PLCG2: variants seen among roughly 807,000 people sequenced by gnomAD.
PLCG2 encodes 1-phosphatidylinositol 4,5-bisphosphate phosphodiesterase gamma-2.
PLCG2 carries 69 observed loss-of-function variants against 175.6 expected under a neutral mutation model. That is an observed-to-expected ratio of 0.39 (90% confidence interval 0.32 to 0.48). PLCG2 has a LOEUF of 0.48. PLCG2 is among the 20% of genes least tolerant of loss of function. The probability of loss-of-function intolerance (pLI) is 0.91; values close to 1 mark genes in which losing one functional copy is unlikely to be tolerated. For missense variants in PLCG2, 1,798 were observed against 1,650.9 expected (o/e 1.09, Z -1.54); for synonymous variants, 827 against 624.0 (o/e 1.33, Z -4.85).
At chr16:81,896,069 CTGCCA>C (rs1342951448) in intron 13 of PLCG2, 142 bp downstream of exon 13, 2 of 1,066,614 alleles carry the variant, frequency 1.9e-6, no homozygotes, top group African/African-American at 3.1e-5. Flanking sequence ...GCCAAAGCCA[CTGCCA>C]TCAAGTTCTC....
intron 2 of PLCG2, among the ~76,000 whole-genome samples, chr16:81,768,294 T>C (rs956835091): frequency 1.3e-5 from 2 of 152,242 alleles, no homozygotes; most frequent in African/African-American, 4.8e-5. Context: ...TGTTTGTTTA[T>C]CCAGTCACAA....
At chr16:81,765,748 A>T (rs544794649) in intron 2 of PLCG2, among the ~76,000 whole-genome samples, 2 of 152,216 alleles carry the variant, frequency 1.3e-5, no homozygotes, top group Non-Finnish European at 2.9e-5. Context: ...AAACTAATGC[A>T]TGTTTTCAGT....
chr16:81,814,541 G>A (rs1399905249), intron 2 of PLCG2, among the ~76,000 whole-genome samples: 5 of 152,062 alleles, frequency 3.3e-5, no homozygotes, highest in Admixed American at 6.5e-5. Flanking sequence ...AAAACAATAC[G>A]AAAATTAGCC....
intron 14 of PLCG2, among the ~76,000 whole-genome samples, chr16:81,902,691 A>T (rs1909202332): frequency 6.6e-6 from 1 of 152,074 alleles, no homozygotes; most frequent in South Asian, 2.1e-4. Context: ...CTCTACCCTC[A>T]TGACCTAATC....
chr16:81,877,971 T>TC (rs1907888246), intron 7 of PLCG2, among the ~76,000 whole-genome samples: 2 of 102,272 alleles, frequency 2.0e-5, no homozygotes, highest in African/African-American at 7.4e-5. Flanking sequence ...CTTTTTTTTT[T>TC]AATTTTTTTT....
At chr16:81,776,083 C>CTTTCTTTTTCTTTCTTTCTT, upstream of PLCG2, among the ~76,000 whole-genome samples, 3 of 81,848 alleles carry the variant, frequency 3.7e-5, no homozygotes, top group Admixed American at 1.2e-4. Context: ...TTCTCTCTCT[C>CTTTCTTTTTCTTTCTTTCTT]TCTCTCTTTC....
chr16:81,842,009 C>A (rs983550675), intron 2 of PLCG2, among the ~76,000 whole-genome samples: 1 of 152,220 alleles, frequency 6.6e-6, no homozygotes, highest in African/African-American at 2.4e-5. Context: ...CTCCTGGGGC[C>A]ACGTGATTTT....
Position 81,893,706 on chromosome 16 carries a change from C to A in PLCG2, c.987-3C>A. 1 of 1,603,548 alleles carries A rather than the reference C, an allele frequency of 6.2e-7. No homozygotes were observed. The highest frequency in any genetic ancestry group is 8.5e-7 in the Non-Finnish European group (1 of 1,171,844). ...ACACGGCCACCTGCCTTCTCTCCTG[C>A]AGGTACCTTACAGGTGACCAGCTGC... On this transcript the variant is annotated splice_polypyrimidine_tract_variant and splice_region_variant and intron_variant, in intron 11 of 32. Transcript: ENST00000564138.
chr16:81,864,351 A>G (rs755780253), intron 5 of PLCG2, among the ~76,000 whole-genome samples: 6 of 152,214 alleles, frequency 3.9e-5, no homozygotes, highest in Non-Finnish European at 7.3e-5. Flanking sequence ...ACAAAATGAA[A>G]TAAAATACTT....
chr16:81,886,260 G>C (rs917322470), intron 9 of PLCG2, among the ~76,000 whole-genome samples: 3 of 152,196 alleles, frequency 2.0e-5, no homozygotes, highest in African/African-American at 7.2e-5. Flanking sequence ...AGAGATCAGG[G>C]ATCTGGGGCC....
chr16:81,889,317 T>C (rs1199881213), intron 10 of PLCG2, 44 bp downstream of exon 10: 4 of 1,026,302 alleles, frequency 3.9e-6, no homozygotes, highest in Non-Finnish European at 6.0e-6. Context: ...GACTTTTTGA[T>C]TGATGTCTGT....
At chr16:81,858,382 G>T in intron 4 of PLCG2, 26 bp downstream of exon 4, 1 of 1,507,868 alleles carries the variant, frequency 6.6e-7, no homozygotes, top group Non-Finnish European at 9.2e-7. Context: ...CTGTTGATTT[G>T]CGTAGTTGCT....
chr16:81,876,285 A>T (rs978725567), intron 7 of PLCG2, among the ~76,000 whole-genome samples: 1 of 152,052 alleles, frequency 6.6e-6, no homozygotes, highest in Non-Finnish European at 1.5e-5. Flanking sequence ...GGCCTCCCAT[A>T]GTGCTGGGAT....
At chr16:81,858,841 A>G (rs1313542687) in intron 4 of PLCG2, among the ~76,000 whole-genome samples, 2 of 92,972 alleles carry the variant, frequency 2.2e-5, no homozygotes, top group Admixed American at 1.3e-4. Context: ...ACTTTTTACT[A>G]TTTTTCTTTC....
chr16:81,850,056 A>G (rs1206995268), intron 2 of PLCG2, among the ~76,000 whole-genome samples: 1 of 152,244 alleles, frequency 6.6e-6, no homozygotes, highest in African/African-American at 2.4e-5. Flanking sequence ...AAGGCACAAG[A>G]GAAAACAAAA....
chr16:81,939,995 A>G lies in PLCG2; in HGVS notation c.3417A>G (p.Glu1139=), dbSNP rs777981945. 1.2e-6 allele frequency: 2 copies of G among 1,614,168 alleles called. No homozygotes were observed. Among genetic ancestry groups the G allele is most frequent in the South Asian group, 2.2e-5 (2 of 91,088 alleles). The change falls in exon 30 of 33, where the codon GAA becomes GAG. Residue 1139 remains glutamate, a synonymous_variant. Coordinates refer to ENST00000564138, the MANE Select transcript of PLCG2 (RefSeq NM_002661.5). ...TTCTGCGCTTTGTGGTTTATGAAGA[A>G]GATATGTTCAGCGATCCCAACTTTC... ...LAFLRFVVYE[E]DMFSDPNFLA...
intron 2 of PLCG2, among the ~76,000 whole-genome samples, chr16:81,801,739 G>A (rs887817868): frequency 6.6e-6 from 1 of 151,816 alleles, no homozygotes; most frequent in African/African-American, 2.4e-5. Flanking sequence ...GGAGTGCAGT[G>A]GCACAATCTC....
chr16:81,776,776 A>G (rs1205645869), upstream of PLCG2, among the ~76,000 whole-genome samples: 2 of 151,886 alleles, frequency 1.3e-5, no homozygotes, highest in African/African-American at 4.8e-5. Flanking sequence ...GATAGTCGTG[A>G]ACTCCTGATC....
At chr16:81,921,388 A>G (rs759082712) in intron 21 of PLCG2, 119 bp downstream of exon 21, 9 of 745,766 alleles carry the variant, frequency 1.2e-5, no homozygotes, top group Admixed American at 8.0e-5. Flanking sequence ...CCTGGCCAAA[A>G]TAATTTTTTT....
Sources: allele counts gnomAD v4.1 joint callset (sites outside exome capture counted in the v4.1 genomes callset), GRCh38; gene constraint gnomAD v4.1.1; transcripts MANE v1.5; gene names NCBI Gene and HGNC (gene_info 2026-07-23, HGNC 2026-07-21).